Variants in SLC35F1 observed in about 807,000 individuals in gnomAD.
SLC35F1 encodes the protein solute carrier family 35 member F1, also known as chromosome 6 open reading frame 169.
A neutral mutation model predicts 48.7 loss-of-function variants in SLC35F1; 14 were observed. The observed-to-expected ratio is 0.29, with a 90% CI of 0.19 to 0.45. SLC35F1 has a LOEUF of 0.45. Ranked by LOEUF, SLC35F1 falls within the 20% of genes least tolerant of loss-of-function variation. SLC35F1 has a pLI of 1.00. For synonymous variants in SLC35F1, 190 were observed against 202.2 expected (o/e 0.94, Z 0.51); for missense variants, 404 against 500.0 (o/e 0.81, Z 1.83).
At chr6:118,254,190 C>T (rs1775614106) in intron 3 of SLC35F1, among the ~76,000 whole-genome samples, 1 of 152,170 alleles carries the variant, frequency 6.6e-6, no homozygotes, top group South Asian at 2.1e-4. Flanking sequence ...AGAGTATTCA[C>T]GCCGGTATCC....
chr6:118,086,304 T>C (rs928788573), intron 1 of SLC35F1, among the ~76,000 whole-genome samples: 1 of 152,236 alleles, frequency 6.6e-6, no homozygotes, highest in Non-Finnish European at 1.5e-5. Flanking sequence ...GTGCCTGTCT[T>C]CTGTATTGTC....
intron 1 of SLC35F1, among the ~76,000 whole-genome samples, chr6:118,012,860 C>A (rs530293479): frequency 6.6e-6 from 1 of 152,288 alleles, no homozygotes; most frequent in East Asian, 1.9e-4. Context: ...TTCCAAGCAA[C>A]ATCTTTTGCC....
intron 7 of SLC35F1, among the ~76,000 whole-genome samples, chr6:118,310,506 T>A (rs1209329930): frequency 2.0e-5 from 3 of 152,128 alleles, no homozygotes; most frequent in African/African-American, 7.2e-5. Context: ...AAAATAAAAC[T>A]TTTTTTACTT....
chr6:118,260,582 C>CA (rs1207332392), intron 3 of SLC35F1, among the ~76,000 whole-genome samples: 1 of 151,774 alleles, frequency 6.6e-6, no homozygotes, highest in African/African-American at 2.4e-5. Flanking sequence ...AGTCACACAA[C>CA]AAAAAATTAT....
At chr6:118,211,017 G>T (rs955360159) in intron 2 of SLC35F1, among the ~76,000 whole-genome samples, 1 of 152,130 alleles carries the variant, frequency 6.6e-6, no homozygotes, top group African/African-American at 2.4e-5. Context: ...AATCCAAAAT[G>T]ACTGGTGTCT....
chr6:118,233,697 C>A lies in SLC35F1; in HGVS notation c.350-1812C>A, dbSNP rs1476913439. 3.9e-5 allele frequency among the ~76,000 whole-genome samples: 6 copies of A among 152,148 alleles called. No homozygotes were observed. The East Asian group carries it at 9.6e-4, about 24-fold the overall frequency. On this transcript the variant is annotated intron_variant, in intron 2 of 7. Transcript: ENST00000360388. Reference sequence around the variant, plus strand: ...CTAGTGAAGAGTCAGTAATCACAATCCTATGAAAGGATTAATCAGAGATGG... The same window carrying A: ...CTAGTGAAGAGTCAGTAATCACAATACTATGAAAGGATTAATCAGAGATGG...
chr6:118,291,016 A>C (rs537352084), intron 7 of SLC35F1, among the ~76,000 whole-genome samples: 1 of 151,442 alleles, frequency 6.6e-6, no homozygotes, highest in East Asian at 1.9e-4. Flanking sequence ...CCTGGTCTCG[A>C]CCTCCTGACC....
chr6:118,129,958 G>A (rs912959241), intron 1 of SLC35F1, among the ~76,000 whole-genome samples: 4 of 152,184 alleles, frequency 2.6e-5, no homozygotes, highest in African/African-American at 9.7e-5. Flanking sequence ...TAGGTTGCCT[G>A]TGGTCTCAGA....
At chr6:118,162,796 A>G (rs205954) in intron 2 of SLC35F1, among the ~76,000 whole-genome samples, 8,195 of 152,236 alleles carry the variant, frequency 0.054, 502 homozygotes, top group African/African-American at 0.14. Flanking sequence ...TATCAAGCTT[A>G]AGTCCACCAA....
At chr6:118,092,613 C>A (rs1272265557) in intron 1 of SLC35F1, among the ~76,000 whole-genome samples, 3 of 152,318 alleles carry the variant, frequency 2.0e-5, no homozygotes, top group Admixed American at 6.5e-5. Flanking sequence ...AATGCCAGCC[C>A]ATGAAAGTAG....
chr6:118,268,662 T>C (rs1310095060), intron 4 of SLC35F1, among the ~76,000 whole-genome samples: 1 of 139,206 alleles, frequency 7.2e-6, no homozygotes, highest in Non-Finnish European at 1.5e-5. Context: ...CAGGCTGGAG[T>C]GCAGTGGCGT....
At chr6:118,022,477 A>G (rs1027772986) in intron 1 of SLC35F1, among the ~76,000 whole-genome samples, 3 of 152,138 alleles carry the variant, frequency 2.0e-5, no homozygotes, top group Non-Finnish European at 4.4e-5. Context: ...CACAAGGAAG[A>G]CTGAAGAAGG....
At chr6:118,217,565 A>C (rs1193275842) in intron 2 of SLC35F1, among the ~76,000 whole-genome samples, 2 of 152,156 alleles carry the variant, frequency 1.3e-5, no homozygotes, top group African/African-American at 4.8e-5. Context: ...TTGCACAACA[A>C]TGCGAATTTA....
chr6:118,002,135 T>C (rs1224769991), intron 1 of SLC35F1, among the ~76,000 whole-genome samples: 1 of 150,210 alleles, frequency 6.7e-6, no homozygotes, highest in African/African-American at 2.5e-5. Context: ...CATGCTGCTA[T>C]AAAGACACAT....
chr6:118,028,579 T>C (rs1164236921), intron 1 of SLC35F1, among the ~76,000 whole-genome samples: 1 of 151,882 alleles, frequency 6.6e-6, no homozygotes, highest in Non-Finnish European at 1.5e-5. Flanking sequence ...AGTTCACAGG[T>C]GGAAGAAAAG....
At chr6:118,235,424 G>A in intron 2 of SLC35F1, 85 bp from the exon 3 acceptor site, 1 of 1,262,256 alleles carries the variant, frequency 7.9e-7, no homozygotes. Flanking sequence ...AATATATAAT[G>A]TTGCAACATA....
At chr6:117,934,291 C>G (rs1011674979) in intron 1 of SLC35F1, among the ~76,000 whole-genome samples, 13 of 152,092 alleles carry the variant, frequency 8.5e-5, no homozygotes, top group African/African-American at 3.1e-4. Context: ...GGATTTCTTA[C>G]AGAAAAGCTA....
intron 3 of SLC35F1, among the ~76,000 whole-genome samples, chr6:118,243,004 T>C (rs1017598961): frequency 6.6e-6 from 1 of 152,182 alleles, no homozygotes; most frequent in African/African-American, 2.4e-5. Flanking sequence ...GATTATTTTA[T>C]TTTCTGCACC....
At chr6:118,135,569 T>C (rs1773782203) in intron 1 of SLC35F1, among the ~76,000 whole-genome samples, 1 of 152,220 alleles carries the variant, frequency 6.6e-6, no homozygotes, top group Non-Finnish European at 1.5e-5. Flanking sequence ...TTGGCTGCTC[T>C]GCAGGCCAGC....
Sources: gnomAD v4.1 joint callset for allele counts (sites outside exome capture counted in the v4.1 genomes callset) on GRCh38, gnomAD v4.1.1 for gene constraint, MANE v1.5 for transcripts, NCBI Gene and HGNC (gene_info 2026-07-23, HGNC 2026-07-21) for gene names.